TMEM272: variants seen among roughly 807,000 people sequenced by gnomAD.
TMEM272 encodes long intergenic non-protein coding RNA 282.
Under a neutral mutation model 3.7 loss-of-function variants are expected in TMEM272, and 8 were observed. The observed-to-expected ratio is 2.17, with a 90% CI of 1.27 to 3.91. The LOEUF (loss-of-function observed/expected upper bound fraction) is 3.91, where lower values mean the gene tolerates loss of function less well. Among genes scored for constraint, TMEM272 ranks in the 30% most tolerant of loss-of-function variants. TMEM272 has a pLI of 0.00. For missense variants in TMEM272, 166 were observed against 91.5 expected (o/e 1.81, Z -3.32); for synonymous variants, 63 against 39.8 (o/e 1.58, Z -2.20).
intron 3 of TMEM272, among the ~76,000 whole-genome samples, chr13:51,822,737 T>C (rs1324054748): frequency 6.6e-6 from 1 of 152,202 alleles, no homozygotes; most frequent in African/African-American, 2.4e-5. Context: ...TGTACTCACA[T>C]ATCCTTAGCT....
At chr13:51,884,883 GTC>G in the TMEM272 span, among the ~76,000 whole-genome samples, 15 of 152,198 alleles carry the variant, frequency 9.9e-5, no homozygotes, top group Non-Finnish European at 1.5e-5. Context: ...AACTCTCCAA[GTC>G]TCTGTCTCCC....
chr13:51,923,773 C>T, the TMEM272 span, among the ~76,000 whole-genome samples: 2 of 151,910 alleles, frequency 1.3e-5, no homozygotes, highest in African/African-American at 2.4e-5. Context: ...GAGGAGAGGA[C>T]AGGGGGACAA....
intron 1 of TMEM272, among the ~76,000 whole-genome samples, chr13:51,842,093 C>T (rs57665265): frequency 7.5e-4 from 114 of 152,248 alleles, no homozygotes; most frequent in African/African-American, 2.6e-3. Context: ...TGTAGATCTA[C>T]GTAAACACAT....
chr13:51,901,455 CCT>C, the TMEM272 span, among the ~76,000 whole-genome samples: 34 of 151,202 alleles, frequency 2.2e-4, no homozygotes, highest in Non-Finnish European at 4.3e-4. Flanking sequence ...GCCTCACACC[CCT>C]CTCAGTTGTC....
the TMEM272 span, among the ~76,000 whole-genome samples, chr13:51,898,186 C>T: frequency 2.6e-5 from 4 of 151,438 alleles, no homozygotes; most frequent in Admixed American, 2.0e-4. Flanking sequence ...GCACTACACT[C>T]CAGTCTGGTA....
chr13:51,835,718 A>G (rs1347079828), intron 2 of TMEM272, among the ~76,000 whole-genome samples: 1 of 152,262 alleles, frequency 6.6e-6, no homozygotes, highest in East Asian at 1.9e-4. Context: ...AAATTCTAAA[A>G]GACATATTAA....
the TMEM272 span, chr13:51,866,148 C>T: frequency 7.7e-7 from 1 of 1,297,868 alleles, no homozygotes; most frequent in East Asian, 2.4e-5. Flanking sequence ...CAGGGTGAGC[C>T]CATGTGCTGG....
intron 2 of TMEM272, among the ~76,000 whole-genome samples, chr13:51,831,488 T>G (rs867296056): frequency 6.6e-6 from 1 of 152,178 alleles, no homozygotes; most frequent in Non-Finnish European, 1.5e-5. Flanking sequence ...GGCTAGAGAA[T>G]CTTCAGGGGC....
At chr13:51,855,756 A>G in the TMEM272 span, among the ~76,000 whole-genome samples, 1 of 152,252 alleles carries the variant, frequency 6.6e-6, no homozygotes, top group Non-Finnish European at 1.5e-5. Context: ...ATTAGAAAAG[A>G]GCATAAAAAT....
the TMEM272 span, among the ~76,000 whole-genome samples, chr13:51,915,120 A>C: frequency 6.6e-6 from 1 of 152,216 alleles, no homozygotes; most frequent in Admixed American, 6.5e-5. Context: ...AAATCATTTC[A>C]TGTTTTTATC....
intron 2 of TMEM272, among the ~76,000 whole-genome samples, chr13:51,835,956 A>T (rs1300139851): frequency 6.6e-6 from 1 of 152,190 alleles, no homozygotes; most frequent in African/African-American, 2.4e-5. Context: ...TGCCATCCAT[A>T]TTCCAATGTT....
At chr13:51,925,477 G>T in the TMEM272 span, among the ~76,000 whole-genome samples, 7 of 152,140 alleles carry the variant, frequency 4.6e-5, 1 homozygote, top group South Asian at 1.5e-3. Flanking sequence ...AATCTAGATG[G>T]TTTGTTTATA....
the TMEM272 span, among the ~76,000 whole-genome samples, chr13:51,903,770 C>T: frequency 6.6e-6 from 1 of 152,128 alleles, no homozygotes; most frequent in Non-Finnish European, 1.5e-5. Context: ...CCAGAATGCC[C>T]AAACTTTAGC....
the TMEM272 span, among the ~76,000 whole-genome samples, chr13:51,876,014 G>T: frequency 1.3e-5 from 2 of 152,188 alleles, no homozygotes; most frequent in African/African-American, 2.4e-5. Flanking sequence ...AGGTTTCCTA[G>T]AGCGGATCTC....
the TMEM272 span, among the ~76,000 whole-genome samples, chr13:51,868,532 A>C: frequency 6.6e-6 from 1 of 152,208 alleles, no homozygotes; most frequent in Non-Finnish European, 1.5e-5. Context: ...AACATCTCCT[A>C]ACTTCTGGGC....
the TMEM272 span, among the ~76,000 whole-genome samples, chr13:51,901,973 G>C: frequency 0.45 from 67,715 of 152,052 alleles, 16,587 homozygotes; most frequent in Non-Finnish European, 0.55. Flanking sequence ...CAAGAGAGGA[G>C]AGTTTCAAGG....
chr13:51,913,002 A>G, the TMEM272 span, among the ~76,000 whole-genome samples: 2 of 152,178 alleles, frequency 1.3e-5, no homozygotes, highest in Admixed American at 1.3e-4. Flanking sequence ...TTTCCAAGGA[A>G]AGCAATTTCA....
chr13:51,911,250 T>C, the TMEM272 span, among the ~76,000 whole-genome samples: 1 of 152,336 alleles, frequency 6.6e-6, no homozygotes, highest in East Asian at 1.9e-4. Flanking sequence ...AGAGATTTAT[T>C]AAGCTCCTCC....
chr13:51,929,182 T>C, the TMEM272 span, among the ~76,000 whole-genome samples: 2 of 151,782 alleles, frequency 1.3e-5, no homozygotes, highest in African/African-American at 4.8e-5. Context: ...GAGGACAGAG[T>C]GAGACTCCAT....
Sources: gnomAD v4.1 joint callset for allele counts (sites outside exome capture counted in the v4.1 genomes callset) on GRCh38, gnomAD v4.1.1 for gene constraint, MANE v1.5 for transcripts, NCBI Gene and HGNC (gene_info 2026-07-23, HGNC 2026-07-21) for gene names.